FBXO34: variants seen among roughly 807,000 people sequenced by gnomAD.
FBXO34 encodes the protein F-box only protein 34.
In FBXO34, 12 loss-of-function variants were observed where a neutral mutation model predicts 24.5. The observed-to-expected ratio is 0.49, with a 90% CI of 0.31 to 0.79. The LOEUF is 0.79. Among genes scored for constraint, FBXO34 ranks in the 30% least tolerant of loss-of-function variants. FBXO34 has a pLI of 0.04. For synonymous variants in FBXO34, 320 were observed against 311.9 expected (o/e 1.03, Z -0.27); for missense variants, 823 against 857.7 (o/e 0.96, Z 0.51).
At chr14:55,372,017 T>G (rs1159390236), downstream of FBXO34, among the ~76,000 whole-genome samples, 1 of 152,044 alleles carries the variant, frequency 6.6e-6, no homozygotes, top group East Asian at 1.9e-4. Context: ...TCATTTCTTT[T>G]CTCCCCTTTT....
At chr14:55,400,342 G>GA in the FBXO34 span, among the ~76,000 whole-genome samples, 3 of 152,226 alleles carry the variant, frequency 2.0e-5, no homozygotes, top group Admixed American at 2.0e-4. Flanking sequence ...TGTGTAGGGG[G>GA]ATCCATATTT....
chr14:55,394,893 C>A, the FBXO34 span: 1 of 366,334 alleles, frequency 2.7e-6, no homozygotes, highest in Non-Finnish European at 5.3e-6. Context: ...ACTCAATATC[C>A]CACACTGTCT....
At chr14:55,415,059 C>T in the FBXO34 span, among the ~76,000 whole-genome samples, 1 of 152,188 alleles carries the variant, frequency 6.6e-6, no homozygotes, top group Non-Finnish European at 1.5e-5. Context: ...CAAACAGTCT[C>T]CACCATTGAG....
intron 1 of FBXO34, among the ~76,000 whole-genome samples, chr14:55,309,460 G>T (rs1882662045): frequency 6.6e-6 from 1 of 152,100 alleles, no homozygotes; most frequent in African/African-American, 2.4e-5. Context: ...TATCCTTTTT[G>T]CAAGAATTAA....
intron 1 of FBXO34, among the ~76,000 whole-genome samples, chr14:55,290,260 G>A (rs1295864434): frequency 1.3e-5 from 2 of 152,000 alleles, no homozygotes; most frequent in Non-Finnish European, 1.5e-5. Context: ...CTGGTGTGGT[G>A]GCAGGTGCCT....
chr14:55,318,741 T>C (rs1402784952), intron 1 of FBXO34, among the ~76,000 whole-genome samples: 1 of 152,112 alleles, frequency 6.6e-6, no homozygotes, highest in Non-Finnish European at 1.5e-5. Context: ...GGTCATATTG[T>C]TTGGTCTTGA....
intron 1 of FBXO34, among the ~76,000 whole-genome samples, chr14:55,349,982 A>C (rs1884290714): frequency 6.6e-6 from 1 of 152,102 alleles, no homozygotes; most frequent in Admixed American, 6.6e-5. Flanking sequence ...GGTGTTTAAA[A>C]ATCTAGTAGG....
At chr14:55,290,146 C>T (rs1486098986) in intron 1 of FBXO34, among the ~76,000 whole-genome samples, 1 of 152,026 alleles carries the variant, frequency 6.6e-6, no homozygotes, top group Non-Finnish European at 1.5e-5. Context: ...AATCCCAGCA[C>T]TTTGGGAGGC....
chr14:55,433,694 G>A, the FBXO34 span: 63 of 1,613,832 alleles, frequency 3.9e-5, no homozygotes, highest in Admixed American at 2.3e-4. Context: ...CTGGGCTCTC[G>A]GATCCTCATT....
intron 1 of FBXO34, among the ~76,000 whole-genome samples, chr14:55,292,892 T>G (rs1300343146): frequency 1.4e-5 from 2 of 147,620 alleles, no homozygotes; most frequent in South Asian, 4.3e-4. Context: ...ACTTTTCTCC[T>G]TTTTTTTTGA....
intron 1 of FBXO34, among the ~76,000 whole-genome samples, chr14:55,320,987 A>C (rs1018809952): frequency 6.6e-6 from 1 of 152,212 alleles, no homozygotes; most frequent in South Asian, 2.1e-4. Context: ...ATTTTGTTAT[A>C]GTTTTCTTTT....
Position 55,351,204 on chromosome 14 carries a change from C to T in FBXO34, c.814C>T (p.Pro272Ser), listed in dbSNP as rs1171559182. 8 of 1,614,080 alleles carry T rather than the reference C, an allele frequency of 5.0e-6. No individual in the cohort carries two copies. The highest frequency in any genetic ancestry group is 1.1e-5 in the South Asian group (1 of 91,088). Reference protein sequence around the residue: ...TERGNLEVGEPQSEPVRVLDM... With the variant: ...TERGNLEVGESQSEPVRVLDM... Reference sequence around the variant, plus strand: ...AAGGGGAAATCTTGAGGTTGGTGAACCACAGAGCGAACCAGTCCGTGTCCT... The same window carrying T: ...AAGGGGAAATCTTGAGGTTGGTGAATCACAGAGCGAACCAGTCCGTGTCCT... Residue 272 changes from proline (P) to serine (S), a missense_variant, in exon 2 of 2, where the codon CCA (proline) becomes TCA (serine). Physicochemically the swap from Pro to Ser is moderately conservative, Grantham distance 74 (BLOSUM62 -1). This residue lies in a region of FBXO34 where 693 missense variants were observed against 659.1 expected (regional missense o/e 1.05). Coordinates refer to ENST00000313833, the MANE Select transcript of FBXO34 (RefSeq NM_017943.4).
At chr14:55,397,991 A>G in the FBXO34 span, among the ~76,000 whole-genome samples, 1 of 123,536 alleles carries the variant, frequency 8.1e-6, no homozygotes, top group Non-Finnish European at 1.6e-5. Context: ...TCTGTCACCC[A>G]GGCTGGGGTG....
chr14:55,387,441 A>T, the FBXO34 span, among the ~76,000 whole-genome samples: 4 of 152,124 alleles, frequency 2.6e-5, no homozygotes, highest in African/African-American at 9.7e-5. Context: ...CCCCCTCCAT[A>T]AACACTCCCC....
At chr14:55,433,861 G>A in the FBXO34 span, 8 of 615,650 alleles carry the variant, frequency 1.3e-5, no homozygotes, top group Non-Finnish European at 1.9e-5. Context: ...CCTACATTAA[G>A]GTTAACAAAA....
chr14:55,340,212 G>C (rs1198575733), intron 1 of FBXO34, among the ~76,000 whole-genome samples: 1 of 151,996 alleles, frequency 6.6e-6, no homozygotes, highest in Non-Finnish European at 1.5e-5. Context: ...TCTTTTGCTT[G>C]GTGCACTAAT....
chr14:55,356,628 T>TA (rs200491616), downstream of FBXO34, among the ~76,000 whole-genome samples: 8,859 of 151,884 alleles, frequency 0.058, 326 homozygotes, highest in South Asian at 0.089. Flanking sequence ...ATTTTTTTAT[T>TA]TTTTTATTTT....
intron 1 of FBXO34, among the ~76,000 whole-genome samples, chr14:55,327,977 A>G (rs1466931102): frequency 9.1e-6 from 1 of 109,736 alleles, no homozygotes; most frequent in Non-Finnish European, 1.7e-5. Flanking sequence ...CCCAGGCTGG[A>G]GTGTGGTGGT....
the FBXO34 span, chr14:55,440,651 G>C: frequency 7.7e-7 from 1 of 1,299,260 alleles, no homozygotes. Context: ...GCGGAACCCA[G>C]CTACCGGCCC....
Sources: gnomAD v4.1 joint callset for allele counts (sites outside exome capture counted in the v4.1 genomes callset) on GRCh38, gnomAD v4.1.1 for gene constraint, gnomAD v4.1.1 regional missense constraint, MANE v1.5 for transcripts, NCBI Gene and HGNC (gene_info 2026-07-23, HGNC 2026-07-21) for gene names.